Variants in MRPS15 observed in about 807,000 individuals in gnomAD.
MRPS15 encodes small ribosomal subunit protein uS15m.
Under a neutral mutation model 30.7 loss-of-function variants are expected in MRPS15, and 25 were observed. That is an observed-to-expected ratio of 0.81 (90% CI 0.59 to 1.14). The LOEUF is 1.14. Ranked by LOEUF, MRPS15 falls within the 50% of genes most tolerant of loss-of-function variation. The pLI, the probability that MRPS15 is intolerant of heterozygous loss-of-function variation, is 0.00. For synonymous variants in MRPS15, 124 were observed against 120.1 expected (o/e 1.03, Z -0.21); for missense variants, 313 against 321.7 (o/e 0.97, Z 0.21).
intron 5 of MRPS15, chr1:36,459,631 G>A (rs1045165994): frequency 6.6e-6 from 1 of 152,258 alleles, no homozygotes; most frequent in African/African-American, 2.4e-5. Context: ...GGCTATGGAG[G>A]ACCCTTGAGT....
intron 3 of MRPS15, 92 bp downstream of exon 3, chr1:36,461,996 G>A (rs1650108420): frequency 9.7e-6 from 11 of 1,128,542 alleles, no homozygotes; most frequent in Non-Finnish European, 1.4e-5. Flanking sequence ...TTCAGCTACA[G>A]CAAGCCAAGT....
At chr1:36,463,924 C>G in intron 1 of MRPS15, 74 bp from the exon 2 acceptor site, 1 of 1,551,926 alleles carries the variant, frequency 6.4e-7, no homozygotes, top group Non-Finnish European at 8.7e-7. Context: ...GTGCCCCTCG[C>G]ATTGCCCGTC....
intron 2 of MRPS15, among the ~76,000 whole-genome samples, chr1:36,462,838 CTTATT>C (rs1480019662): frequency 6.6e-6 from 1 of 152,182 alleles, no homozygotes; most frequent in African/African-American, 2.4e-5. Context: ...ATAAATTCTA[CTTATT>C]TTATTTTTTG....
chr1:36,456,453 T>C (rs1382824689), intron 6 of MRPS15, 75 bp from the exon 7 acceptor site: 4 of 1,330,124 alleles, frequency 3.0e-6, no homozygotes, highest in Non-Finnish European at 4.0e-6. Flanking sequence ...ATGGTCATTT[T>C]ATCATTTCAC....
At chr1:36,463,940 C>T (rs2124086176) in intron 1 of MRPS15, 90 bp from the exon 2 acceptor site, 1 of 1,533,732 alleles carries the variant, frequency 6.5e-7, no homozygotes, top group Non-Finnish European at 8.8e-7. Flanking sequence ...CCGTCCGCCA[C>T]GGTCTATGCG....
In MRPS15 at chr1:36,457,962, C is replaced by T; in HGVS notation, c.405G>A (p.Lys135=). The T allele has an allele frequency of 6.2e-7, 1 of 1,614,188 alleles. No individual in the cohort carries two copies. Among genetic ancestry groups the T allele is most frequent in the Non-Finnish European group, 8.5e-7 (1 of 1,180,030 alleles). The stretch of plus-strand genomic sequence containing the variant: ...CCAAGTGTTCTTCATAACTGCGGAT[C>T]TTGACAGACAAGGCAATAACTGAAA... The part of the protein sequence containing the change: ...LEARIIALSV[K]IRSYEEHLEK... The change falls in exon 6 of 8, where the codon AAG becomes AAA. Residue 135 remains lysine, a synonymous_variant. Coordinates refer to ENST00000373116, the MANE Select transcript of MRPS15 (RefSeq NM_031280.4).
Position 36,458,725 on chromosome 1 carries a change from C to T in MRPS15, c.386-744G>A, listed in dbSNP as rs1650040860. 6.6e-6 allele frequency: 1 copy of T among 152,238 alleles called. No individual in the cohort carries two copies. Among genetic ancestry groups the T allele is most frequent in the South Asian group, 2.1e-4 (1 of 4,840 alleles). The allele number at this position is 152,238 out of a possible 1,614,324, so 9.4% of individuals were successfully genotyped here. ...CCCCTTCCTGCTGCCACCTTTATCTCCATGCTTTGACTAATGAATTTTCAG... is the reference window on the plus strand; with the variant it reads ...CCCCTTCCTGCTGCCACCTTTATCTTCATGCTTTGACTAATGAATTTTCAG... On this transcript the variant is annotated intron_variant, in intron 5 of 7. Coordinates refer to ENST00000373116, the MANE Select transcript of MRPS15 (RefSeq NM_031280.4). The surrounding 1 kb of genome is among the most constrained non-coding windows in gnomAD (Gnocchi z 4.5).
At chr1:36,460,602 A>G (rs1445276387) in intron 5 of MRPS15, 90 bp downstream of exon 5, 2 of 969,896 alleles carry the variant, frequency 2.1e-6, no homozygotes, top group Non-Finnish European at 3.3e-6. Context: ...TCCCCAGCCC[A>G]TGTGCATGTG....
chr1:36,458,246 T>A lies in MRPS15; in HGVS notation c.386-265A>T, dbSNP rs2124079322. On this transcript the variant is annotated intron_variant, in intron 5 of 7. Coordinates refer to ENST00000373116, the MANE Select transcript of MRPS15 (RefSeq NM_031280.4). The surrounding 1 kb of genome is among the most constrained non-coding windows in gnomAD (Gnocchi z 4.5). ...TCATAGCAAATAGCATTCTTTTTTTTGAGACGGAGTCTCGCTCTGTTGCCC... is the reference window on the plus strand; with the variant it reads ...TCATAGCAAATAGCATTCTTTTTTTAGAGACGGAGTCTCGCTCTGTTGCCC... 7.7e-6 allele frequency: 3 copies of A among 388,274 alleles called. No homozygotes were observed. The South Asian group carries it at 1.1e-4, about 15-fold the overall frequency. 24.1% of individuals were successfully genotyped at this position (388,274 alleles called of 1,614,324 possible). A position where few individuals can be genotyped will look rare whatever the true frequency, so the allele number is the denominator to read the frequency against.
At chr1:36,460,812 C>G in intron 4 of MRPS15, 36 bp from the exon 5 acceptor site, 2 of 1,556,620 alleles carry the variant, frequency 1.3e-6, no homozygotes, top group Non-Finnish European at 1.8e-6. Flanking sequence ...TCTGTGGAGT[C>G]TGCCACCCTC....
chr1:36,463,875 G>A (rs1179962288), intron 1 of MRPS15, 25 bp from the exon 2 acceptor site: 2 of 1,605,698 alleles, frequency 1.2e-6, no homozygotes, highest in East Asian at 2.2e-5. Context: ...GAGGGCTGAG[G>A]ACCATCTCCT....
chr1:36,462,631 AG>A (rs894350556), intron 2 of MRPS15, among the ~76,000 whole-genome samples: 1 of 152,196 alleles, frequency 6.6e-6, no homozygotes, highest in Non-Finnish European at 1.5e-5. Flanking sequence ...TAGAGATCAC[AG>A]GAAAACCTCA....
intron 7 of MRPS15, 89 bp downstream of exon 7, chr1:36,456,098 C>T: frequency 6.6e-7 from 1 of 1,510,736 alleles, no homozygotes; most frequent in Non-Finnish European, 8.9e-7. Context: ...AGTTCCATGC[C>T]TCTAACAGAA....
At position 36,464,252 on chromosome 1, in the gene MRPS15, C is replaced by G; in HGVS notation, c.24G>C (p.Thr8=). ...CTGCCCGGGTCCGAATCAAACTCAG[C>G]GTCCTCCACGCGACCCTCAGCATGG... MLRVAWR[T]LSLIRTRAVT... Residue 8 remains threonine (T), a synonymous_variant, in exon 1 of 8, where the codon ACG becomes ACC. Coordinates refer to ENST00000373116, the MANE Select transcript of MRPS15 (RefSeq NM_031280.4). 6.2e-7 allele frequency: 1 copy of G among 1,613,898 alleles called. No individual in the cohort carries two copies. The highest frequency in any genetic ancestry group is 1.1e-5 in the South Asian group (1 of 91,040).
intron 2 of MRPS15, among the ~76,000 whole-genome samples, chr1:36,463,158 G>A (rs907597023): frequency 2.0e-4 from 30 of 152,196 alleles, no homozygotes; most frequent in African/African-American, 6.7e-4. Context: ...GTAGAGACGA[G>A]GTTTCACCAT....
chr1:36,463,263 G>A (rs775322954), intron 2 of MRPS15, among the ~76,000 whole-genome samples: 13 of 152,184 alleles, frequency 8.5e-5, no homozygotes, highest in Non-Finnish European at 1.5e-4. Context: ...CACCGCGTCC[G>A]GCCCCAGATA....
intron 5 of MRPS15, among the ~76,000 whole-genome samples, chr1:36,460,324 C>A (rs1441361575): frequency 2.6e-5 from 4 of 152,154 alleles, no homozygotes; most frequent in Admixed American, 6.5e-5. Flanking sequence ...CTATTATTAT[C>A]ACACATCGTG....
intron 1 of MRPS15, 54 bp from the exon 2 acceptor site, chr1:36,463,904 G>A (rs1262342056): frequency 6.3e-7 from 1 of 1,575,588 alleles, no homozygotes; most frequent in Admixed American, 1.8e-5. Context: ...CCACCCCTCA[G>A]TTCCTTTCTG....
At chr1:36,462,793 C>T (rs923085893) in intron 2 of MRPS15, among the ~76,000 whole-genome samples, 1 of 152,114 alleles carries the variant, frequency 6.6e-6, no homozygotes, top group Non-Finnish European at 1.5e-5. Flanking sequence ...GATAGGGAGG[C>T]AGAAAAGAAT....
Sources: allele counts gnomAD v4.1 joint callset (sites outside exome capture counted in the v4.1 genomes callset), GRCh38; gene constraint gnomAD v4.1.1; non-coding constraint Gnocchi (gnomAD v3.1); transcripts MANE v1.5; gene names NCBI Gene and HGNC (gene_info 2026-07-23, HGNC 2026-07-21).